RUNX1: variants seen among roughly 807,000 people sequenced by gnomAD.
RUNX1 encodes runt-related transcription factor 1.
RUNX1 carries 19 observed loss-of-function variants against 42.8 expected under a neutral mutation model. The ratio of observed to expected loss-of-function variants is 0.44; its 90% CI spans 0.31 to 0.65. RUNX1 has a LOEUF of 0.65. RUNX1 is among the 30% of genes least tolerant of loss of function. RUNX1 has a pLI of 0.07. For synonymous variants in RUNX1, 271 were observed against 289.4 expected (o/e 0.94, Z 0.64); for missense variants, 528 against 672.0 (o/e 0.79, Z 2.37).
chr21:34,911,431 C>T (rs1435583988), intron 2 of RUNX1, among the ~76,000 whole-genome samples: 2 of 152,164 alleles, frequency 1.3e-5, no homozygotes, highest in East Asian at 3.9e-4. Context: ...AGGTGCCTGA[C>T]AGCTGCATTT....
chr21:34,994,760 C>G (rs1016066573), intron 2 of RUNX1, among the ~76,000 whole-genome samples: 1 of 152,186 alleles, frequency 6.6e-6, no homozygotes, highest in Non-Finnish European at 1.5e-5. Flanking sequence ...GTATGTTAGA[C>G]TCATACACAT....
At chr21:34,979,214 G>A (rs1054908987) in intron 2 of RUNX1, among the ~76,000 whole-genome samples, 2 of 152,136 alleles carry the variant, frequency 1.3e-5, no homozygotes, top group Non-Finnish European at 2.9e-5. Context: ...ATAAGAGAAA[G>A]AGTCTTTTTG....
intron 7 of RUNX1, among the ~76,000 whole-genome samples, chr21:34,813,406 A>G (rs570593615): frequency 2.6e-4 from 40 of 152,164 alleles, no homozygotes; most frequent in Non-Finnish European, 5.7e-4. Flanking sequence ...CTAACACAGC[A>G]TTGTCCCCTG....
intron 7 of RUNX1, among the ~76,000 whole-genome samples, chr21:34,809,972 A>G (rs1474222377): frequency 6.6e-6 from 1 of 152,230 alleles, no homozygotes; most frequent in Non-Finnish European, 1.5e-5. Flanking sequence ...GGTGTGTGTC[A>G]TGCCAGTTTG....
intron 2 of RUNX1, among the ~76,000 whole-genome samples, chr21:34,990,523 T>C (rs983304953): frequency 2.0e-5 from 3 of 152,202 alleles, no homozygotes; most frequent in Non-Finnish European, 2.9e-5. Context: ...AGGGTTTTAG[T>C]TGAAAGCTTT....
intron 2 of RUNX1, among the ~76,000 whole-genome samples, chr21:34,955,408 C>T (rs2058637231): frequency 6.6e-6 from 1 of 152,074 alleles, no homozygotes; most frequent in Admixed American, 6.6e-5. Context: ...TTAGAGCACA[C>T]TGTGGTGTAG....
At chr21:34,885,660 CGT>C (rs1483046033) in intron 4 of RUNX1, among the ~76,000 whole-genome samples, 1 of 152,140 alleles carries the variant, frequency 6.6e-6, no homozygotes, top group Non-Finnish European at 1.5e-5. Flanking sequence ...GAATATTCGT[CGT>C]TGTAATAAGA....
intron 6 of RUNX1, among the ~76,000 whole-genome samples, chr21:34,851,272 TAG>T (rs1252006109): frequency 6.6e-5 from 10 of 152,236 alleles, no homozygotes; most frequent in African/African-American, 1.9e-4. Flanking sequence ...TGATGTGATT[TAG>T]GATGGCACTG....
chr21:34,799,591 T>G, intron 7 of RUNX1, 129 bp from the exon 8 acceptor site: 1 of 752,240 alleles, frequency 1.3e-6, no homozygotes, highest in Non-Finnish European at 2.2e-6. Context: ...TACCAGGGTT[T>G]AATAAGCCTA....
At chr21:34,942,678 T>C (rs1002650296) in intron 2 of RUNX1, among the ~76,000 whole-genome samples, 1 of 152,164 alleles carries the variant, frequency 6.6e-6, no homozygotes, top group Non-Finnish European at 1.5e-5. Flanking sequence ...GTGAGGACAA[T>C]TAGCAGGGCT....
At chr21:34,837,291 T>A (rs932745915) in intron 6 of RUNX1, among the ~76,000 whole-genome samples, 24 of 152,080 alleles carry the variant, frequency 1.6e-4, no homozygotes, top group African/African-American at 5.8e-4. Context: ...TGGGAGTCAG[T>A]AGGAACGTTA....
At chr21:34,853,637 G>C (rs1037337648) in intron 6 of RUNX1, among the ~76,000 whole-genome samples, 6 of 152,178 alleles carry the variant, frequency 3.9e-5, no homozygotes, top group Admixed American at 3.9e-4. Context: ...ACTGTGAACA[G>C]TGTTGGGCAA....
At chr21:34,794,939 CAA>C (rs770546432) in intron 8 of RUNX1, among the ~76,000 whole-genome samples, 7 of 152,250 alleles carry the variant, frequency 4.6e-5, no homozygotes, top group South Asian at 2.1e-4. Flanking sequence ...GTGACGGAAG[CAA>C]AGTCACCCCA....
chr21:34,964,747 C>A (rs1026028881), intron 2 of RUNX1, among the ~76,000 whole-genome samples: 2 of 152,148 alleles, frequency 1.3e-5, no homozygotes, highest in Non-Finnish European at 2.9e-5. Flanking sequence ...AGCTTTGTGA[C>A]CAGGTGAATT....
In RUNX1 at chr21:34,876,434, T is replaced by C. The variant is rs192250458; in HGVS notation, c.508+4123A>G. The stretch of plus-strand genomic sequence containing the variant: ...GGCATAGGGCTAAGCTGGCCCTCCA[T>C]GATCAATGCAAAGTTCCAAATTCAC... On this transcript the variant is annotated intron_variant, in intron 5 of 8. Transcript: ENST00000675419. Among the ~76,000 whole-genome samples, 81 of 152,322 alleles carry C rather than the reference T, an allele frequency of 5.3e-4. 1 individual carries two copies. The South Asian group carries it at 7.7e-3, about 14-fold the overall frequency.
intron 2 of RUNX1, among the ~76,000 whole-genome samples, chr21:34,951,449 T>C (rs1294067862): frequency 6.6e-6 from 1 of 152,140 alleles, no homozygotes; most frequent in African/African-American, 2.4e-5. Context: ...GCCTATGTCC[T>C]GAATGGGAGA....
chr21:34,811,532 C>G (rs1601372481), intron 7 of RUNX1, among the ~76,000 whole-genome samples: 2 of 152,228 alleles, frequency 1.3e-5, no homozygotes, highest in East Asian at 3.8e-4. Context: ...GCACACAGGT[C>G]TTTCACTCTA....
intron 2 of RUNX1, among the ~76,000 whole-genome samples, chr21:35,027,318 G>A (rs528370741): frequency 6.6e-6 from 1 of 152,282 alleles, no homozygotes; most frequent in South Asian, 2.1e-4. Context: ...GGCCAATCAC[G>A]GGGCTCTTGA....
rs1048311302 is a variant in RUNX1, at chr21:34,834,481, G to A, written c.734C>T (p.Pro245Leu). ...AMRVSPHHPA[P>L]TPNPRASLNH... Reference sequence around the variant, plus strand: ...CAGGGAGGCACGAGGGTTGGGCGTGGGGGCTGGGTGGTGTGGGCTGACCCT... The same window carrying A: ...CAGGGAGGCACGAGGGTTGGGCGTGAGGGCTGGGTGGTGTGGGCTGACCCT... Residue 245 changes from proline (P) to leucine (L), a missense_variant, in exon 7 of 9, where the codon CCC becomes CTC. Physicochemically the swap from Pro to Leu is moderately conservative, Grantham distance 98 (BLOSUM62 -3). This residue lies in a region of RUNX1 where 331 missense variants were observed against 382.5 expected (regional missense o/e 0.87). Coordinates refer to ENST00000675419, the MANE Select transcript of RUNX1 (RefSeq NM_001754.5). The A allele has an allele frequency of 1.2e-6, 2 of 1,613,130 alleles. No homozygotes were observed. Among genetic ancestry groups the A allele is most frequent in the Non-Finnish European group, 1.7e-6 (2 of 1,179,458 alleles).
Sources: gnomAD v4.1 joint callset for allele counts (sites outside exome capture counted in the v4.1 genomes callset) on GRCh38, gnomAD v4.1.1 for gene constraint, gnomAD v4.1.1 regional missense constraint, MANE v1.5 for transcripts, NCBI Gene and HGNC (gene_info 2026-07-23, HGNC 2026-07-21) for gene names.